TYW1: variants seen among roughly 807,000 people sequenced by gnomAD.
The protein encoded by TYW1 is tRNA-yW synthesizing protein 1 homolog, also known as S-adenosyl-L-methionine-dependent tRNA 4-demethylwyosine synthase TYW1.
Under a neutral mutation model 96.2 loss-of-function variants are expected in TYW1, and 46 were observed. That is an observed-to-expected ratio of 0.48 (90% CI 0.38 to 0.61). The LOEUF (loss-of-function observed/expected upper bound fraction) is 0.61. Ranked by LOEUF, TYW1 falls within the 20% of genes least tolerant of loss-of-function variation. The pLI is 0.00. For synonymous variants in TYW1, 274 were observed against 323.0 expected, an observed-to-expected ratio of 0.85 and a Z score of 1.63; for missense variants, 684 against 909.6, an observed-to-expected ratio of 0.75 and a Z score of 3.19.
chr7:67,221,840 A>G (rs1016699150), intron 15 of TYW1, among the ~76,000 whole-genome samples: 21 of 150,720 alleles, frequency 1.4e-4, no homozygotes, highest in Non-Finnish European at 2.9e-4. Flanking sequence ...TGTGTGCCCC[A>G]AAACATAAAC....
Position 67,111,372 on chromosome 7 carries a change from T to G in TYW1, c.1563-6111T>G, listed in dbSNP as rs113551363. ...GCATGTGGCACTCCTGGCTAATTTT[T>G]GTATTTTTAGAAGAGACAGGGTTTC... On this transcript the variant is annotated intron_variant, in intron 12 of 15. Transcript: ENST00000359626. 2.2e-3 allele frequency among the ~76,000 whole-genome samples: 341 copies of G among 152,262 alleles called. 2 individuals are homozygous for G. The highest frequency in any genetic ancestry group is 7.8e-3 in the African/African-American group (326 of 41,560).
At position 67,183,200 on chromosome 7, in the gene TYW1, C is replaced by T. The variant is rs775665185; in HGVS notation, c.1773C>T (p.Leu591=). Residue 591 remains leucine (L), a synonymous_variant, in exon 14 of 16, where the codon CTC becomes CTT. Transcript: ENST00000359626. The part of the protein sequence containing the change: ...NVDELQAYAQ[L]VSLGNPDFIE... ...ACGAGCTCCAGGCCTACGCGCAGCT[C>T]GTGTCCCTGGGGAATCCTGACTTCA... The T allele has an allele frequency of 1.6e-5, 25 of 1,609,906 alleles. No homozygotes were observed. Among genetic ancestry groups the T allele is most frequent in the African/African-American group, 9.4e-5 (7 of 74,802 alleles).
At chr7:67,063,082 A>G (rs1441126536) in intron 9 of TYW1, among the ~76,000 whole-genome samples, 1 of 152,150 alleles carries the variant, frequency 6.6e-6, no homozygotes, top group African/African-American at 2.4e-5. Context: ...CCAAGTATAG[A>G]AAGAATTATA....
chr7:67,175,488 C>A lies in TYW1; in HGVS notation c.1699-7638C>A, dbSNP rs183782054. Among the ~76,000 whole-genome samples the A allele has an allele frequency of 8.5e-5, 13 of 152,146 alleles. No individual in the cohort carries two copies. In the East Asian group the frequency reaches 2.5e-3, roughly 29 times the overall value. ...GTCCAGCCAGTTCAGAATATTTATA[C>A]CAAATTCTAAGAAGAATAAGACAAA... On this transcript the variant is annotated intron_variant, in intron 13 of 15. Transcript: ENST00000359626.
intron 4 of TYW1, among the ~76,000 whole-genome samples, chr7:67,014,061 A>T (rs1486192339): frequency 1.3e-4 from 19 of 151,886 alleles, no homozygotes; most frequent in Non-Finnish European, 2.8e-4. Context: ...TTCTTGATTG[A>T]TTTGGATTTT....
rs573182395 is a variant in TYW1 at position 67,149,516 on chromosome 7, A to G, written c.1698+31898A>G. On this transcript the variant is annotated intron_variant, in intron 13 of 15. Coordinates refer to ENST00000359626, the MANE Select transcript of TYW1 (RefSeq NM_018264.4). ...TTCATAGTCTGAGATATTGGATTGA[A>G]ATAAATACCATTTATATTCAGCCAT... 2.2e-3 allele frequency among the ~76,000 whole-genome samples: 340 copies of G among 152,308 alleles called. 1 individual carries two copies. The highest frequency in any genetic ancestry group is 3.7e-3 in the Non-Finnish European group (254 of 68,032).
chr7:67,040,797 T>TTG (rs1794993463), intron 7 of TYW1, among the ~76,000 whole-genome samples: 1 of 151,616 alleles, frequency 6.6e-6, no homozygotes, highest in Non-Finnish European at 1.5e-5. Context: ...TGAGCCGAGA[T>TTG]CACGCCACTG....
intron 1 of TYW1, among the ~76,000 whole-genome samples, chr7:66,997,690 G>T (rs570693688): frequency 6.8e-6 from 1 of 147,836 alleles, no homozygotes; most frequent in Admixed American, 6.9e-5. Context: ...GTGCGGTGGC[G>T]CAATCTTGGC....
intron 14 of TYW1, among the ~76,000 whole-genome samples, chr7:67,189,275 G>T (rs1054780894): frequency 6.6e-6 from 1 of 151,940 alleles, no homozygotes; most frequent in South Asian, 2.1e-4. Context: ...TCTCCCTGAC[G>T]TGTGAGTGTG....
chr7:67,124,548 T>C (rs1797860913), intron 13 of TYW1, among the ~76,000 whole-genome samples: 1 of 152,092 alleles, frequency 6.6e-6, no homozygotes, highest in Admixed American at 6.5e-5. Context: ...ATTTATATAG[T>C]TTATATGTTG....
intron 10 of TYW1, among the ~76,000 whole-genome samples, chr7:67,076,052 A>T (rs891515609): frequency 2.0e-5 from 3 of 152,214 alleles, no homozygotes; most frequent in Admixed American, 2.0e-4. Context: ...GTCGTAGCCT[A>T]TTCCTCTTCT....
chr7:67,051,281 A>G (rs1036644962), intron 8 of TYW1, among the ~76,000 whole-genome samples: 9 of 151,952 alleles, frequency 5.9e-5, no homozygotes, highest in African/African-American at 2.2e-4. Context: ...CTTAACCCAT[A>G]TGTAATTTTT....
chr7:67,062,651 G>A (rs961430612), intron 9 of TYW1, among the ~76,000 whole-genome samples: 1 of 151,828 alleles, frequency 6.6e-6, no homozygotes, highest in Admixed American at 6.6e-5. Context: ...GCGATTGAAA[G>A]GATGATAAGG....
intron 15 of TYW1, among the ~76,000 whole-genome samples, chr7:67,209,682 C>A (rs1800933797): frequency 1.3e-5 from 2 of 152,118 alleles, no homozygotes; most frequent in African/African-American, 4.8e-5. Context: ...AAGCAATTCT[C>A]CTACCTCAGC....
chr7:67,075,716 C>T (rs1796180909), intron 10 of TYW1, among the ~76,000 whole-genome samples: 1 of 152,016 alleles, frequency 6.6e-6, no homozygotes, highest in Non-Finnish European at 1.5e-5. Context: ...TTGCCTAGGG[C>T]CGGAGGGAAT....
chr7:67,044,754 AAAT>A (rs145693782), intron 7 of TYW1, among the ~76,000 whole-genome samples: 2,580 of 152,074 alleles, frequency 0.017, 70 homozygotes, highest in African/African-American at 0.058. Context: ...CCAGTAGCTG[AAAT>A]TATAGGCCTT....
rs35865413 is a variant in TYW1, at chr7:67,137,425, A to G, written c.1698+19807A>G. 7.9e-5 allele frequency among the ~76,000 whole-genome samples: 12 copies of G among 152,174 alleles called. No individual in the cohort carries two copies. In the South Asian group the frequency reaches 2.3e-3, roughly 29 times the overall value. ...GAGCCCAGGAGTTTGAGACTAGCCTAGGCAACATGGCAAGACCTCATCTCT... is the reference window on the plus strand; with the variant it reads ...GAGCCCAGGAGTTTGAGACTAGCCTGGGCAACATGGCAAGACCTCATCTCT... On this transcript the variant is annotated intron_variant, in intron 13 of 15. Coordinates refer to ENST00000359626, the MANE Select transcript of TYW1 (RefSeq NM_018264.4).
chr7:67,193,015 C>T (rs1295291256), intron 14 of TYW1, among the ~76,000 whole-genome samples: 1 of 152,116 alleles, frequency 6.6e-6, no homozygotes, highest in Admixed American at 6.5e-5. Flanking sequence ...GGTGGAAATT[C>T]GGGCTGTGAT....
At chr7:67,002,382 C>T (rs1793430362) in intron 3 of TYW1, among the ~76,000 whole-genome samples, 1 of 138,630 alleles carries the variant, frequency 7.2e-6, no homozygotes, top group South Asian at 2.3e-4. Context: ...GTGCCCAGCC[C>T]ATCTCAATAT....
Sources: gnomAD v4.1 joint callset for allele counts (sites outside exome capture counted in the v4.1 genomes callset) on GRCh38, gnomAD v4.1.1 for gene constraint, MANE v1.5 for transcripts, NCBI Gene and HGNC (gene_info 2026-07-23, HGNC 2026-07-21) for gene names.